The following MAP3K13 variants were observed in gnomAD, a reference collection of about 807,000 sequenced individuals.
MAP3K13 encodes mitogen-activated protein kinase kinase kinase 13.
MAP3K13 carries 52 observed loss-of-function variants against 104.0 expected under a neutral mutation model. The ratio of observed to expected loss-of-function variants is 0.50; its 90% confidence interval spans 0.40 to 0.63. MAP3K13 has a LOEUF of 0.63. MAP3K13 is among the 20% of genes least tolerant of loss of function. The pLI, the probability that MAP3K13 is intolerant of heterozygous loss-of-function variation, is 0.00. For missense variants in MAP3K13, 914 were observed against 1,218.5 expected, an observed-to-expected ratio of 0.75 and a Z score of 3.72; for synonymous variants, 394 against 442.2, an observed-to-expected ratio of 0.89 and a Z score of 1.37.
At chr3:185,304,574 T>A (rs1194428788) in intron 2 of MAP3K13, among the ~76,000 whole-genome samples, 1 of 152,206 alleles carries the variant, frequency 6.6e-6, no homozygotes, top group Non-Finnish European at 1.5e-5. Flanking sequence ...ATGTCCTTCT[T>A]TGTCTCTTGA....
chr3:185,381,479 G>GA (rs1724719389), intron 1 of MAP3K13, among the ~76,000 whole-genome samples: 1 of 152,124 alleles, frequency 6.6e-6, no homozygotes, highest in Admixed American at 6.5e-5. Flanking sequence ...GCACACAACA[G>GA]CAAAAAAACT....
intron 1 of MAP3K13, among the ~76,000 whole-genome samples, chr3:185,376,362 T>G (rs1016553300): frequency 6.6e-6 from 1 of 152,122 alleles, no homozygotes; most frequent in African/African-American, 2.4e-5. Context: ...GAGCATAGTT[T>G]GTGATTTTGA....
At chr3:185,393,559 C>A (rs955603928) in intron 1 of MAP3K13, among the ~76,000 whole-genome samples, 1 of 151,516 alleles carries the variant, frequency 6.6e-6, no homozygotes, top group East Asian at 1.9e-4. Context: ...CCCGGGTTCA[C>A]GCCATTCTCC....
At chr3:185,434,083 G>A (rs1714893949) in intron 2 of MAP3K13, among the ~76,000 whole-genome samples, 2 of 151,888 alleles carry the variant, frequency 1.3e-5, no homozygotes, top group African/African-American at 4.8e-5. Context: ...ACTTTTAGAA[G>A]GTAGACTAGG....
chr3:185,291,096 T>G (rs934814318), intron 2 of MAP3K13, among the ~76,000 whole-genome samples: 1 of 152,244 alleles, frequency 6.6e-6, no homozygotes, highest in Non-Finnish European at 1.5e-5. Context: ...TTTTTCTATT[T>G]GAAGGCATTG....
intron 1 of MAP3K13, among the ~76,000 whole-genome samples, chr3:185,284,022 C>T (rs892897359): frequency 7.3e-5 from 11 of 151,638 alleles, no homozygotes; most frequent in Non-Finnish European, 1.2e-4. Context: ...CCTCAGCCTC[C>T]CGAGTAGCTG....
chr3:185,315,266 A>AG lies in MAP3K13; in HGVS notation c.-86+29623_-86+29624insG, dbSNP rs1275983375. 6.6e-6 allele frequency among the ~76,000 whole-genome samples: 1 copy of AG among 152,120 alleles called. No individual in the cohort carries two copies. Among genetic ancestry groups the AG allele is most frequent in the East Asian group, 1.9e-4 (1 of 5,190 alleles). On this transcript the variant is annotated intron_variant, in intron 2 of 14. Transcript: ENST00000424227. The surrounding 1 kb of genome is among the most constrained non-coding windows in gnomAD (Gnocchi z 4.3). ...CTCCAACTCAAAAAAGAAAAAAAAAACTATAAATATATTACACATAGAACA... is the reference window on the plus strand; with the variant it reads ...CTCCAACTCAAAAAAGAAAAAAAAAAGCTATAAATATATTACACATAGAACA...
At chr3:185,319,984 G>C (rs1577420309) in intron 2 of MAP3K13, among the ~76,000 whole-genome samples, 1 of 152,074 alleles carries the variant, frequency 6.6e-6, no homozygotes, top group Admixed American at 6.5e-5. Context: ...TGTCTTCCAA[G>C]TTGGGTATTG....
rs773006664 is a variant in MAP3K13 at position 185,292,677 on chromosome 3, G to T, written c.-86+7034G>T. On this transcript the variant is annotated intron_variant, in intron 2 of 14. Coordinates refer to the MAP3K13 transcript ENST00000424227. ...TCCCTCAGATTTTGGGCCTAGGAAG[G>T]TAGGTGATTTAAACTCACTGAAAGC... The T allele has an allele frequency of 2.0e-4, 196 of 985,300 alleles. 1 individual carries two copies. The highest frequency in any genetic ancestry group is 2.3e-4 in the Non-Finnish European group (195 of 829,934). The allele number at this position is 985,300 out of a possible 1,614,324, so 61.0% of individuals were successfully genotyped here.
intron 1 of MAP3K13, among the ~76,000 whole-genome samples, chr3:185,382,733 G>A (rs1017594186): frequency 2.0e-4 from 30 of 152,174 alleles, no homozygotes; most frequent in Admixed American, 3.3e-4. Flanking sequence ...GGCCGGGCGC[G>A]GTGGCTCATG....
chr3:185,283,288 G>T (rs1013122551), intron 1 of MAP3K13, among the ~76,000 whole-genome samples: 2 of 152,086 alleles, frequency 1.3e-5, no homozygotes, highest in African/African-American at 2.4e-5. Flanking sequence ...ATGGCTGGGG[G>T]TCATGGGTTT....
chr3:185,457,584 C>T (rs982850191), intron 7 of MAP3K13, among the ~76,000 whole-genome samples: 2 of 152,146 alleles, frequency 1.3e-5, no homozygotes, highest in African/African-American at 4.8e-5. Context: ...AATTACTTCC[C>T]CAAAGCCCCA....
In MAP3K13 at chr3:185,299,659, C is replaced by T. The variant is rs537185851; in HGVS notation, c.-86+14016C>T. ...TCGGCTCACTGCAAGCTCCGCCTCC[C>T]GGGTTCACGCCATTCTCCTGCCTCA... On this transcript the variant is annotated intron_variant, in intron 2 of 14. Transcript: ENST00000424227. 9.6e-4 allele frequency among the ~76,000 whole-genome samples: 47 copies of T among 48,752 alleles called. 16 individuals carry two copies. The highest frequency in any genetic ancestry group is 2.5e-3 in the African/African-American group (47 of 18,920). 32.0% of individuals were successfully genotyped at this position (48,752 alleles called of 152,430 possible).
At chr3:185,366,464 G>A (rs1723891725) in intron 1 of MAP3K13, among the ~76,000 whole-genome samples, 1 of 152,112 alleles carries the variant, frequency 6.6e-6, no homozygotes, top group African/African-American at 2.4e-5. Context: ...GACTTGAATT[G>A]CTGGGTCATT....
At chr3:185,456,403 G>A (rs2148908838) in intron 7 of MAP3K13, among the ~76,000 whole-genome samples, 1 of 152,220 alleles carries the variant, frequency 6.6e-6, no homozygotes, top group African/African-American at 2.4e-5. Context: ...TACACATTCA[G>A]ATCAATTCCC....
intron 7 of MAP3K13, among the ~76,000 whole-genome samples, chr3:185,463,297 C>A (rs530545986): frequency 6.6e-6 from 1 of 152,246 alleles, no homozygotes; most frequent in Admixed American, 6.5e-5. Flanking sequence ...TTCCTCATAG[C>A]CAGTGCTGGA....
chr3:185,330,787 C>T (rs532157956), intron 2 of MAP3K13, among the ~76,000 whole-genome samples: 1 of 152,154 alleles, frequency 6.6e-6, no homozygotes, highest in East Asian at 1.9e-4. Context: ...TGCTCGTGCC[C>T]TACAAACCAG....
intron 7 of MAP3K13, among the ~76,000 whole-genome samples, chr3:185,458,067 T>C (rs2148910383): frequency 6.6e-6 from 1 of 152,234 alleles, no homozygotes; most frequent in East Asian, 1.9e-4. Context: ...AACAGTTGAT[T>C]GTAAGATGTC....
At chr3:185,367,182 T>G (rs1723928992) in intron 1 of MAP3K13, among the ~76,000 whole-genome samples, 1 of 152,222 alleles carries the variant, frequency 6.6e-6, no homozygotes, top group Non-Finnish European at 1.5e-5. Flanking sequence ...TTTAAAAGAC[T>G]ATTCTTTCCC....
Sources: allele counts gnomAD v4.1 joint callset (sites outside exome capture counted in the v4.1 genomes callset), GRCh38; gene constraint gnomAD v4.1.1; non-coding constraint Gnocchi (gnomAD v3.1); transcripts MANE v1.5; gene names NCBI Gene and HGNC (gene_info 2026-07-23, HGNC 2026-07-21).